PPM1E: variants seen among roughly 807,000 people sequenced by gnomAD.
PPM1E encodes the protein protein phosphatase, Mg2+/Mn2+ dependent 1E, also known as protein phosphatase 1E.
PPM1E carries 20 observed loss-of-function variants against 65.9 expected under a neutral mutation model. The ratio of observed to expected loss-of-function variants is 0.30; its 90% CI spans 0.21 to 0.44. PPM1E has a LOEUF of 0.44. Ranked by LOEUF, PPM1E falls within the 20% of genes least tolerant of loss-of-function variation. The probability of loss-of-function intolerance (pLI) is 1.00; values close to 1 mark genes in which losing one functional copy is unlikely to be tolerated. For synonymous variants in PPM1E, 352 were observed against 374.9 expected (o/e 0.94, Z 0.70); for missense variants, 713 against 953.1 (o/e 0.75, Z 3.32).
chr17:58,785,975 A>ATT (rs71367631), intron 1 of PPM1E, among the ~76,000 whole-genome samples: 1 of 147,804 alleles, frequency 6.8e-6, no homozygotes, highest in East Asian at 2.0e-4. Flanking sequence ...TCAGCATATG[A>ATT]TTTTTTTCTT....
intron 2 of PPM1E, among the ~76,000 whole-genome samples, chr17:58,960,218 G>C (rs950783940): frequency 2.6e-5 from 4 of 152,140 alleles, no homozygotes; most frequent in African/African-American, 9.7e-5. Flanking sequence ...AGTATGACTT[G>C]CTAGGAACCC....
At chr17:58,945,036 T>C (rs1053019934) in intron 1 of PPM1E, among the ~76,000 whole-genome samples, 7 of 152,208 alleles carry the variant, frequency 4.6e-5, no homozygotes, top group African/African-American at 1.4e-4. Context: ...ATAGCTATCC[T>C]AGTGGATGTG....
intron 1 of PPM1E, among the ~76,000 whole-genome samples, chr17:58,820,367 C>T (rs2050467529): frequency 6.6e-6 from 1 of 152,164 alleles, no homozygotes; most frequent in African/African-American, 2.4e-5. Context: ...TCTCCAACCT[C>T]CAGTTTCTCC....
rs2031351654 is a variant in PPM1E, at chr17:58,981,465, T to C, written c.*434T>C. On this transcript the variant is annotated 3_prime_UTR_variant, in exon 7 of 7. Coordinates refer to ENST00000308249, the MANE Select transcript of PPM1E (RefSeq NM_014906.5). ...GGAAAATTTAATGCTGAATTACATT[T>C]GGTTGGGAAATGTCCCTCAAAATCC... The C allele has an allele frequency of 6.5e-6, 1 of 154,838 alleles. No individual in the cohort carries two copies. The highest frequency in any genetic ancestry group is 2.4e-5 in the African/African-American group (1 of 41,510). The allele number at this position is 154,838 out of a possible 1,614,324, so 9.6% of individuals were successfully genotyped here.
At chr17:58,937,546 G>A (rs1344943683) in intron 1 of PPM1E, among the ~76,000 whole-genome samples, 2 of 149,230 alleles carry the variant, frequency 1.3e-5, no homozygotes, top group African/African-American at 4.9e-5. Flanking sequence ...ACAGTCGTGA[G>A]CCACATACCT....
At chr17:58,898,722 C>T (rs1192997353) in intron 1 of PPM1E, among the ~76,000 whole-genome samples, 8 of 151,980 alleles carry the variant, frequency 5.3e-5, no homozygotes, top group Non-Finnish European at 8.8e-5. Context: ...ATGTTTATTG[C>T]GGCACTATTC....
intron 1 of PPM1E, among the ~76,000 whole-genome samples, chr17:58,830,231 C>T (rs1280361545): frequency 2.6e-5 from 4 of 151,926 alleles, no homozygotes; most frequent in Non-Finnish European, 5.9e-5. Flanking sequence ...AATTGTTTTC[C>T]CACAGAATTT....
Position 58,980,667 on chromosome 17 carries a change from C to T in PPM1E, c.1904C>T (p.Thr635Ile), listed in dbSNP as rs1180567503. The T allele has an allele frequency of 2.5e-6, 4 of 1,614,046 alleles. No homozygotes were observed. In the African/African-American group the frequency reaches 5.3e-5, roughly 22 times the overall value. ...EFPTAFNLGS[T>I]GEQIYRMQSL... ...CCCACTGCTTTCAATTTGGGTTCAA[C>T]AGGGGAGCAGATATACAGAATGCAG... The change falls in exon 7 of 7, where the codon ACA becomes ATA. Residue 635 changes from threonine to isoleucine, a missense_variant. Around this residue, in one of 6 missense-constraint regions of PPM1E, gnomAD observed 286 missense variants for 313.8 expected, o/e 0.91. Coordinates refer to ENST00000308249, the MANE Select transcript of PPM1E (RefSeq NM_014906.5). This position sits in a 1 kb window ranked among gnomAD's most constrained non-coding sequence, Gnocchi z 4.7.
At chr17:58,859,288 C>T (rs1351114056) in intron 1 of PPM1E, among the ~76,000 whole-genome samples, 1 of 152,166 alleles carries the variant, frequency 6.6e-6, no homozygotes, top group Non-Finnish European at 1.5e-5. Flanking sequence ...TGATCATTTA[C>T]AGGAAAAAAC....
intron 1 of PPM1E, among the ~76,000 whole-genome samples, chr17:58,917,219 A>G (rs372340720): frequency 3.3e-5 from 2 of 60,656 alleles, no homozygotes; most frequent in Non-Finnish European, 3.9e-5. Flanking sequence ...CAAAAAAAAG[A>G]AAAAAAAAAA....
chr17:58,980,396 C>A lies in PPM1E; in HGVS notation c.1633C>A (p.Arg545Ser), dbSNP rs753162691. The change falls in exon 7 of 7, where the codon CGT (arginine) becomes AGT (serine). Residue 545 changes from arginine (R) to serine (S), a missense_variant. Arg to Ser is a moderately radical substitution (Grantham distance 110). Transcript: ENST00000308249. This position sits in a 1 kb window ranked among gnomAD's most constrained non-coding sequence, Gnocchi z 4.7. Reference sequence around the variant, plus strand: ...ACCAGCCGACCTAGGCTATGATGGGCGTGTGGATTCATTCACTGATAGAAC... The same window carrying A: ...ACCAGCCGACCTAGGCTATGATGGGAGTGTGGATTCATTCACTGATAGAAC... ...SAPADLGYDG[R>S]VDSFTDRTSL... 6.2e-7 allele frequency: 1 copy of A among 1,614,092 alleles called. No individual in the cohort carries two copies. Among genetic ancestry groups the A allele is most frequent in the Non-Finnish European group, 8.5e-7 (1 of 1,180,016 alleles).
intron 1 of PPM1E, among the ~76,000 whole-genome samples, chr17:58,890,830 A>G (rs752292085): frequency 6.6e-6 from 1 of 152,118 alleles, no homozygotes; most frequent in Non-Finnish European, 1.5e-5. Flanking sequence ...TGCCTTGTAT[A>G]ATATTTTTCA....
chr17:58,860,621 G>A (rs557981701), intron 1 of PPM1E, among the ~76,000 whole-genome samples: 1 of 152,184 alleles, frequency 6.6e-6, no homozygotes, highest in Admixed American at 6.5e-5. Context: ...CTTGATTTCA[G>A]TTGGGGCAGT....
chr17:58,913,989 T>A (rs2051657416), intron 1 of PPM1E, among the ~76,000 whole-genome samples: 1 of 152,182 alleles, frequency 6.6e-6, no homozygotes, highest in Non-Finnish European at 1.5e-5. Flanking sequence ...ATCTTTGTTT[T>A]AAAGTTAAAT....
chr17:58,786,546 C>A (rs760783624), intron 1 of PPM1E, among the ~76,000 whole-genome samples: 9 of 152,150 alleles, frequency 5.9e-5, no homozygotes, highest in African/African-American at 9.7e-5. Context: ...TGATTCATGT[C>A]CCAGGCAGGA....
chr17:58,818,064 A>T (rs1414353789), intron 1 of PPM1E, among the ~76,000 whole-genome samples: 1 of 152,152 alleles, frequency 6.6e-6, no homozygotes, highest in Non-Finnish European at 1.5e-5. Flanking sequence ...CTAAAGTTAA[A>T]TCTGTACTGT....
chr17:58,766,474 A>G (rs557737734), intron 1 of PPM1E, among the ~76,000 whole-genome samples: 18 of 152,092 alleles, frequency 1.2e-4, no homozygotes, highest in Middle Eastern at 3.4e-3. Context: ...TGCTGGGATT[A>G]CAGGTGTGAG....
intron 1 of PPM1E, among the ~76,000 whole-genome samples, chr17:58,837,681 A>G (rs2143203465): frequency 6.6e-6 from 1 of 152,150 alleles, no homozygotes; most frequent in Non-Finnish European, 1.5e-5. Context: ...TATTTTTAGT[A>G]GAGACAGGGT....
intron 1 of PPM1E, among the ~76,000 whole-genome samples, chr17:58,897,993 G>T (rs985049015): frequency 2.0e-5 from 3 of 152,238 alleles, no homozygotes; most frequent in South Asian, 4.1e-4. Flanking sequence ...GGGCACGGTG[G>T]CTCATGCCTG....
Sources: gnomAD v4.1 joint callset for allele counts (sites outside exome capture counted in the v4.1 genomes callset) on GRCh38, gnomAD v4.1.1 for gene constraint, gnomAD v4.1.1 regional missense constraint, Gnocchi (gnomAD v3.1) non-coding constraint, MANE v1.5 for transcripts, NCBI Gene and HGNC (gene_info 2026-07-23, HGNC 2026-07-21) for gene names.